PRKN: variants seen among roughly 807,000 people sequenced by gnomAD.
PRKN encodes E3 ubiquitin-protein ligase parkin.
In PRKN, 56 loss-of-function variants were observed where a neutral mutation model predicts 59.5. The ratio of observed to expected loss-of-function variants is 0.94; its 90% confidence interval spans 0.76 to 1.18. The LOEUF (loss-of-function observed/expected upper bound fraction) is 1.18. Ranked by LOEUF, PRKN falls within the 50% of genes most tolerant of loss-of-function variation. The pLI is 0.00. For missense variants in PRKN, 657 were observed against 596.4 expected (o/e 1.10, Z -1.06); for synonymous variants, 250 against 222.1 (o/e 1.13, Z -1.12).
chr6:162,023,262 TAATC>T (rs1490811293), intron 5 of PRKN, among the ~76,000 whole-genome samples: 1 of 152,098 alleles, frequency 6.6e-6, no homozygotes, highest in Non-Finnish European at 1.5e-5. Flanking sequence ...CACCTTGTGT[TAATC>T]AACTCAATTA....
At chr6:161,873,953 T>A (rs1438230187) in intron 6 of PRKN, among the ~76,000 whole-genome samples, 1 of 106,452 alleles carries the variant, frequency 9.4e-6, no homozygotes, top group African/African-American at 4.0e-5. Context: ...AAGAAATATA[T>A]ATTATATGTA....
chr6:162,223,609 C>A (rs912947641), intron 3 of PRKN, among the ~76,000 whole-genome samples: 7 of 141,182 alleles, frequency 5.0e-5, no homozygotes, highest in Admixed American at 7.4e-5. Flanking sequence ...CAAATAGACA[C>A]GTGACACACA....
At chr6:162,538,986 G>C (rs770505117) in intron 1 of PRKN, among the ~76,000 whole-genome samples, 1 of 152,166 alleles carries the variant, frequency 6.6e-6, no homozygotes, top group Non-Finnish European at 1.5e-5. Context: ...TTACCGTGGG[G>C]GCCCACAATG....
In PRKN at chr6:161,354,513, C is replaced by A. The variant is rs1369988310; in HGVS notation, c.1286-4302G>T. Among the ~76,000 whole-genome samples, 1 of 152,114 alleles carries A rather than the reference C, an allele frequency of 6.6e-6. No homozygotes were observed. The highest frequency in any genetic ancestry group is 6.6e-5 in the Admixed American group (1 of 15,266). ...GCACACACTCAGTCAGGGAATGGAG[C>A]CAGAATTTCATCTGCTTGAGATGGA... On this transcript the variant is annotated intron_variant, in intron 11 of 11. Transcript: ENST00000366898. The surrounding 1 kb of genome is among the most constrained non-coding windows in gnomAD (Gnocchi z 6.7).
At chr6:162,261,975 C>T (rs1779907559) in intron 3 of PRKN, among the ~76,000 whole-genome samples, 2 of 152,250 alleles carry the variant, frequency 1.3e-5, no homozygotes, top group East Asian at 3.9e-4. Context: ...AACTTCTACC[C>T]TGTAAAGTCA....
chr6:162,282,846 G>A (rs924150161), intron 2 of PRKN, among the ~76,000 whole-genome samples: 1 of 152,082 alleles, frequency 6.6e-6, no homozygotes, highest in African/African-American at 2.4e-5. Flanking sequence ...ATTAAGTGAT[G>A]GAAGAGAGGA....
chr6:161,601,746 C>G (rs570755113), intron 7 of PRKN, among the ~76,000 whole-genome samples: 1 of 151,970 alleles, frequency 6.6e-6, no homozygotes, highest in Non-Finnish European at 1.5e-5. Flanking sequence ...CCACGCCTGG[C>G]TAATTTTTTG....
intron 3 of PRKN, among the ~76,000 whole-genome samples, chr6:162,245,561 A>T (rs1489263608): frequency 6.6e-6 from 1 of 152,108 alleles, no homozygotes; most frequent in Non-Finnish European, 1.5e-5. Context: ...GGAAATTATA[A>T]TTTAATGGTT....
intron 6 of PRKN, among the ~76,000 whole-genome samples, chr6:161,817,951 G>A (rs1219377688): frequency 1.3e-5 from 2 of 152,188 alleles, no homozygotes; most frequent in African/African-American, 4.8e-5. Context: ...GTGAAGCTCT[G>A]ATAAGGTAAC....
intron 4 of PRKN, among the ~76,000 whole-genome samples, chr6:162,143,738 G>A (rs1781884005): frequency 6.6e-6 from 1 of 152,180 alleles, no homozygotes; most frequent in Non-Finnish European, 1.5e-5. Flanking sequence ...GGAGAAAAGT[G>A]TTTATTCTGT....
intron 2 of PRKN, among the ~76,000 whole-genome samples, chr6:162,328,707 C>T (rs1783426380): frequency 1.3e-5 from 2 of 152,130 alleles, no homozygotes; most frequent in Admixed American, 1.3e-4. Context: ...CTTGGTGAAG[C>T]TTCAGAGAAG....
intron 7 of PRKN, among the ~76,000 whole-genome samples, chr6:161,759,223 A>G (rs573283369): frequency 6.6e-6 from 1 of 152,188 alleles, no homozygotes; most frequent in African/African-American, 2.4e-5. Context: ...CATTTCAAAG[A>G]CATCAAAATT....
rs1000176819 is a variant in PRKN at position 161,475,321 on chromosome 6, C to G, written c.1083+73533G>C. ...GTGACCCAGACATTCACGTTGCTTT[C>G]CAGTATTCCCATTTGCGATTTGTTT... On this transcript the variant is annotated intron_variant, in intron 9 of 11. Coordinates refer to ENST00000366898, the MANE Select transcript of PRKN (RefSeq NM_004562.3). This position sits in a 1 kb window ranked among gnomAD's most constrained non-coding sequence, Gnocchi z 5.3. 6.6e-6 allele frequency among the ~76,000 whole-genome samples: 1 copy of G among 152,168 alleles called. No individual in the cohort carries two copies. The highest frequency in any genetic ancestry group is 1.5e-5 in the Non-Finnish European group (1 of 68,034).
At chr6:162,685,425 T>TAA (rs1443411950) in intron 1 of PRKN, among the ~76,000 whole-genome samples, 1 of 152,114 alleles carries the variant, frequency 6.6e-6, no homozygotes, top group Non-Finnish European at 1.5e-5. Context: ...TATATATATA[T>TAA]AACTATTAAT....
chr6:161,412,712 T>A (rs917737673), intron 9 of PRKN, among the ~76,000 whole-genome samples: 20 of 150,722 alleles, frequency 1.3e-4, no homozygotes, highest in African/African-American at 4.9e-4. Flanking sequence ...CATTCCTTCC[T>A]CACTCATTCC....
intron 2 of PRKN, among the ~76,000 whole-genome samples, chr6:162,334,503 G>A (rs995306841): frequency 2.6e-5 from 4 of 152,102 alleles, no homozygotes; most frequent in African/African-American, 7.2e-5. Flanking sequence ...GTGTTTTACC[G>A]AATATTTTAA....
chr6:162,601,098 C>A (rs1037394523), intron 1 of PRKN, among the ~76,000 whole-genome samples: 1 of 152,298 alleles, frequency 6.6e-6, no homozygotes, highest in Admixed American at 6.5e-5. Flanking sequence ...AAGGCAACGG[C>A]ACCTGGTGAG....
chr6:162,543,654 GA>G (rs1779008749), intron 1 of PRKN, among the ~76,000 whole-genome samples: 1 of 152,044 alleles, frequency 6.6e-6, no homozygotes, highest in African/African-American at 2.4e-5. Context: ...TAATTACTCA[GA>G]CCCTGTCACA....
intron 4 of PRKN, among the ~76,000 whole-genome samples, chr6:162,154,067 C>T (rs1222932326): frequency 6.6e-6 from 1 of 152,166 alleles, no homozygotes; most frequent in African/African-American, 2.4e-5. Flanking sequence ...CCAAGAGTTT[C>T]TCTGCCTCCT....
Sources: gnomAD v4.1 joint callset for allele counts (sites outside exome capture counted in the v4.1 genomes callset) on GRCh38, gnomAD v4.1.1 for gene constraint, Gnocchi (gnomAD v3.1) non-coding constraint, MANE v1.5 for transcripts, NCBI Gene and HGNC (gene_info 2026-07-23, HGNC 2026-07-21) for gene names.